SLC45A3: variants seen among roughly 807,000 people sequenced by gnomAD.
SLC45A3 encodes the protein prostate cancer associated protein 2.
SLC45A3 carries 17 observed loss-of-function variants against 35.3 expected under a neutral mutation model. The ratio of observed to expected loss-of-function variants is 0.48; its 90% confidence interval spans 0.33 to 0.72. The LOEUF is 0.72. SLC45A3 is among the 30% of genes least tolerant of loss of function. The pLI is 0.02. For missense variants in SLC45A3, 597 were observed against 731.7 expected (o/e 0.82, Z 2.12); for synonymous variants, 288 against 334.3 (o/e 0.86, Z 1.51).
At chr1:205,660,906 C>T (rs903618085) in intron 4 of SLC45A3, among the ~76,000 whole-genome samples, 20 of 152,232 alleles carry the variant, frequency 1.3e-4, no homozygotes, top group African/African-American at 4.8e-4. Flanking sequence ...CCATACCTCT[C>T]ACCCCTGCAG....
chr1:205,678,557 T>A (rs969084262), intron 1 of SLC45A3, among the ~76,000 whole-genome samples: 2 of 152,128 alleles, frequency 1.3e-5, no homozygotes, highest in African/African-American at 4.8e-5. Flanking sequence ...GATCACTGTC[T>A]ACTCCTCCTC....
At position 205,661,913 on chromosome 1, in the gene SLC45A3, G is replaced by C; in HGVS notation, c.1172C>G (p.Ala391Gly). ...CAGTGTGTAGGGCAGGATCTGCAGGGCTGAGAAGGTGAACCCGGTGAGGGC... is the reference window on the plus strand; with the variant it reads ...CAGTGTGTAGGGCAGGATCTGCAGGCCTGAGAAGGTGAACCCGGTGAGGGC... ...SAALTGFTFS[A>G]LQILPYTLAS... The change falls in exon 4 of 5, where the codon GCC (alanine) becomes GGC (glycine). Residue 391 changes from alanine (A) to glycine (G), a missense_variant. This residue lies in a region of SLC45A3 where 555 missense variants were observed against 664.9 expected (regional missense o/e 0.83). Coordinates refer to ENST00000367145, the MANE Select transcript of SLC45A3 (RefSeq NM_033102.3). The C allele has an allele frequency of 6.2e-7, 1 of 1,614,182 alleles. No homozygotes were observed. Among genetic ancestry groups the C allele is most frequent in the Non-Finnish European group, 8.5e-7 (1 of 1,180,036 alleles).
intron 1 of SLC45A3, among the ~76,000 whole-genome samples, chr1:205,670,481 GC>G (rs957145982): frequency 2.0e-5 from 3 of 152,216 alleles, no homozygotes; most frequent in East Asian, 1.9e-4. Context: ...TCAGAATGAA[GC>G]CCCCCCACCT....
At position 205,663,194 on chromosome 1, in the gene SLC45A3, GA is replaced by G; in HGVS notation, c.596del (p.Leu199ProfsTer13). 1 of 1,613,412 alleles carries G rather than the reference GA, an allele frequency of 6.2e-7. No homozygotes were observed. Among genetic ancestry groups the G allele is most frequent in the Non-Finnish European group, 8.5e-7 (1 of 1,179,972 alleles). On this transcript the variant is annotated frameshift_variant, in exon 3 of 5. Coordinates refer to ENST00000367145, the MANE Select transcript of SLC45A3 (RefSeq NM_033102.3). LOFTEE classifies it high-confidence loss of function. Reference protein sequence around the residue: ...APYLGTQEECLFGLLTLIFLT... With the variant: ...APYLGTQEECXFGLLTLIFLT... ...GGAAGATGAGGGTGAGCAGGCCAAA[GA>G]GGCACTCCTCCTGGGTGCCCAGGTA...
At chr1:205,680,140 C>T (rs1244447936) in intron 1 of SLC45A3, among the ~76,000 whole-genome samples, 3 of 151,464 alleles carry the variant, frequency 2.0e-5, no homozygotes, top group East Asian at 2.0e-4. Flanking sequence ...GCCCGCCCTC[C>T]GCGGAAGAAA....
chr1:205,665,623 A>G (rs1671106809), intron 1 of SLC45A3, among the ~76,000 whole-genome samples: 1 of 152,098 alleles, frequency 6.6e-6, no homozygotes, highest in African/African-American at 2.4e-5. Context: ...CCACCTGGCA[A>G]TACCTGTAAT....
intron 1 of SLC45A3, among the ~76,000 whole-genome samples, chr1:205,670,878 G>A (rs1412496191): frequency 6.6e-6 from 1 of 152,220 alleles, no homozygotes; most frequent in Admixed American, 6.5e-5. Flanking sequence ...CCCTAGGGGG[G>A]CAGAGGGGGC....
At chr1:205,675,598 T>TGAG (rs1159685536) in intron 1 of SLC45A3, among the ~76,000 whole-genome samples, 7 of 152,148 alleles carry the variant, frequency 4.6e-5, no homozygotes, top group African/African-American at 1.7e-4. Context: ...CTGAAAATCA[T>TGAG]GAGACTGGGT....
rs55781355 is a variant in SLC45A3 at position 205,669,490 on chromosome 1, G to C, written c.-230-4604C>G. Among the ~76,000 whole-genome samples the C allele has an allele frequency of 0.031, 4,715 of 152,220 alleles. 124 individuals are homozygous for C. Among genetic ancestry groups the C allele is most frequent in the African/African-American group, 0.075 (3,136 of 41,550 alleles). ...ACCCCGCATGGCTGAGGTGGAGCTGGGGGAGCAGATTCCCTCTACTGACAG... is the reference window on the plus strand; with the variant it reads ...ACCCCGCATGGCTGAGGTGGAGCTGCGGGAGCAGATTCCCTCTACTGACAG... On this transcript the variant is annotated intron_variant, in intron 1 of 4. Transcript: ENST00000367145. The surrounding 1 kb of genome is among the most constrained non-coding windows in gnomAD (Gnocchi z 4.1).
intron 1 of SLC45A3, among the ~76,000 whole-genome samples, chr1:205,673,917 GA>G (rs1159585604): frequency 6.6e-6 from 1 of 152,220 alleles, no homozygotes; most frequent in Non-Finnish European, 1.5e-5. Context: ...AGACAGCACT[GA>G]AACCCACCTA....
chr1:205,661,381 G>T (rs1341626117), intron 4 of SLC45A3, among the ~76,000 whole-genome samples: 2 of 152,168 alleles, frequency 1.3e-5, no homozygotes, highest in African/African-American at 4.8e-5. Flanking sequence ...CAGAAAGAAA[G>T]GGGGTAGGAA....
At chr1:205,670,622 C>G (rs1027735322) in intron 1 of SLC45A3, among the ~76,000 whole-genome samples, 6 of 152,226 alleles carry the variant, frequency 3.9e-5, no homozygotes, top group Admixed American at 2.0e-4. Flanking sequence ...CCCTGCTGAG[C>G]TGCCTTTTCT....
At chr1:205,661,733 G>T in intron 4 of SLC45A3, 128 bp downstream of exon 4, 2 of 1,364,182 alleles carry the variant, frequency 1.5e-6, no homozygotes, top group Non-Finnish European at 2.0e-6. Flanking sequence ...GCTAGGATAA[G>T]CTTCTTCTCT....
In SLC45A3 at chr1:205,662,131, A is replaced by G; in HGVS notation, c.959-5T>C. Reference sequence around the variant, plus strand: ...CCAGGCTGCCCATCCGAACGCCTGCAGAGGGAGAGGGGCCATCAGACAGAG... The same window carrying G: ...CCAGGCTGCCCATCCGAACGCCTGCGGAGGGAGAGGGGCCATCAGACAGAG... On this transcript the variant is annotated splice_region_variant and splice_polypyrimidine_tract_variant and intron_variant, in intron 3 of 4. Coordinates refer to ENST00000367145, the MANE Select transcript of SLC45A3 (RefSeq NM_033102.3). The surrounding 1 kb of genome is among the most constrained non-coding windows in gnomAD (Gnocchi z 6.2). 6.2e-7 allele frequency: 1 copy of G among 1,610,012 alleles called. No homozygotes were observed. Among genetic ancestry groups the G allele is most frequent in the Non-Finnish European group, 8.5e-7 (1 of 1,177,430 alleles).
chr1:205,675,492 T>C (rs1035244211), intron 1 of SLC45A3, among the ~76,000 whole-genome samples: 4 of 152,122 alleles, frequency 2.6e-5, no homozygotes, highest in Non-Finnish European at 5.9e-5. Context: ...AGGGTGTATG[T>C]CTGTAAAACA....
intron 1 of SLC45A3, among the ~76,000 whole-genome samples, chr1:205,679,408 C>G (rs1671363163): frequency 6.6e-6 from 1 of 152,242 alleles, no homozygotes; most frequent in South Asian, 2.1e-4. Context: ...GCAAGAGCAA[C>G]TCACAGGACT....
Position 205,662,485 on chromosome 1 carries a change from A to G in SLC45A3, c.958+348T>C. On this transcript the variant is annotated intron_variant, in intron 3 of 4. Coordinates refer to ENST00000367145, the MANE Select transcript of SLC45A3 (RefSeq NM_033102.3). The surrounding 1 kb of genome is among the most constrained non-coding windows in gnomAD (Gnocchi z 6.2). ...GAAGGCGCTGGTGAGATTATTTGGA[A>G]AGTCGTTGGGGGAGCAGAGGGCACA... 7.8e-7 allele frequency: 1 copy of G among 1,281,376 alleles called. No individual in the cohort carries two copies. Among genetic ancestry groups the G allele is most frequent in the Non-Finnish European group, 9.9e-7 (1 of 1,014,610 alleles). The allele number at this position is 1,281,376 out of a possible 1,614,324, so 79.4% of individuals were successfully genotyped here. A position where few individuals can be genotyped will look rare whatever the true frequency, so the allele number is the denominator to read the frequency against.
At position 205,663,047 on chromosome 1, in the gene SLC45A3, C is replaced by G. The variant is rs1671057239; in HGVS notation, c.744G>C (p.Leu248Phe). ...GCAGGGCGCCCAGGTTCCGGAAAGC[C>G]AAGCGGGCCCGGCATGGACAGCAGT... Reference protein sequence around the residue: ...SPHCCPCRARLAFRNLGALLP... With the variant: ...SPHCCPCRARFAFRNLGALLP... Residue 248 changes from leucine to phenylalanine, a missense_variant, in exon 3 of 5, where the codon TTG (leucine) becomes TTC (phenylalanine). Transcript: ENST00000367145. The G allele has an allele frequency of 1.2e-6, 2 of 1,608,984 alleles. No individual in the cohort carries two copies. Among genetic ancestry groups the G allele is most frequent in the East Asian group, 4.5e-5 (2 of 44,726 alleles).
At chr1:205,661,349 T>C (rs1671018536) in intron 4 of SLC45A3, among the ~76,000 whole-genome samples, 1 of 151,878 alleles carries the variant, frequency 6.6e-6, no homozygotes, top group Non-Finnish European at 1.5e-5. Flanking sequence ...AAAAGGGAAT[T>C]AGACAGAAAA....
Sources: allele counts gnomAD v4.1 joint callset (sites outside exome capture counted in the v4.1 genomes callset), GRCh38; gene constraint gnomAD v4.1.1; regional missense constraint gnomAD v4.1.1; non-coding constraint Gnocchi (gnomAD v3.1); transcripts MANE v1.5; gene names NCBI Gene and HGNC (gene_info 2026-07-23, HGNC 2026-07-21).